Variants in SLC6A17 observed in about 807,000 individuals in gnomAD.
SLC6A17 encodes sodium-dependent neutral amino acid transporter SLC6A17.
Under a neutral mutation model 64.5 loss-of-function variants are expected in SLC6A17, and 21 were observed. That is an observed-to-expected ratio of 0.33 (90% CI 0.23 to 0.47). SLC6A17 has a LOEUF of 0.47. Among genes scored for constraint, SLC6A17 ranks in the 20% least tolerant of loss-of-function variants. The probability of loss-of-function intolerance (pLI) is 1.00; values close to 1 mark genes in which losing one functional copy is unlikely to be tolerated. For missense variants in SLC6A17, 682 were observed against 963.2 expected (o/e 0.71, Z 3.86); for synonymous variants, 372 against 399.5 (o/e 0.93, Z 0.82).
At chr1:110,175,053 GGGTCTTCT>G (rs1224382617) in intron 5 of SLC6A17, 93 bp downstream of exon 5, 35 of 1,449,442 alleles carry the variant, frequency 2.4e-5, no homozygotes, top group Admixed American at 4.6e-5. Context: ...GCCCTTTGCA[GGGTCTTCT>G]GGGTGGATAA....
At position 110,199,947 on chromosome 1, in the gene SLC6A17, G is replaced by GGATA; in HGVS notation, c.*1507_*1510dup. The stretch of plus-strand genomic sequence containing the variant: ...GATGGGTTGGGGGGTGGGGGTGGAT[G>GGATA]GATAGATGGATGGATGGATGGACGG... On this transcript the variant is annotated 3_prime_UTR_variant, in exon 12 of 12. Transcript: ENST00000331565. The GGATA allele has an allele frequency of 2.5e-6, 1 of 394,938 alleles. No individual in the cohort carries two copies. Among genetic ancestry groups the GGATA allele is most frequent in the African/African-American group, 2.1e-5 (1 of 47,710 alleles). 24.5% of individuals were successfully genotyped at this position (394,938 alleles called of 1,614,324 possible).
Position 110,174,068 on chromosome 1 carries a change from A to C in SLC6A17, c.540A>C (p.Glu180Asp), listed in dbSNP as rs1191775920. The change falls in exon 4 of 12, where the codon GAA (glutamate) becomes GAC (aspartate). Residue 180 changes from glutamate (E) to aspartate (D), a missense_variant. Physicochemically the swap from Glu to Asp is conservative, Grantham distance 45. Transcript: ENST00000331565. ...TCCAGTACCCGCTGCCCTGGAGTGA[A>C]TGTCCTGTCGTCAGGAATGGGAGCG... ...KSFQYPLPWS[E>D]CPVVRNGSVA... 1.1e-5 allele frequency: 18 copies of C among 1,614,092 alleles called. 1 individual carries two copies. In the South Asian group the frequency reaches 1.8e-4, roughly 16 times the overall value.
At chr1:110,154,895 G>A (rs1655715246) in intron 1 of SLC6A17, among the ~76,000 whole-genome samples, 1 of 152,122 alleles carries the variant, frequency 6.6e-6, no homozygotes, top group Admixed American at 6.6e-5. Flanking sequence ...CTGCTGGCAG[G>A]GCTGCTTGGG....
chr1:110,181,077 G>A (rs12128502), intron 6 of SLC6A17, among the ~76,000 whole-genome samples: 8,781 of 152,242 alleles, frequency 0.058, 348 homozygotes, highest in Admixed American at 0.12. Context: ...ACAGTAACTC[G>A]TGTTGACGGC....
In SLC6A17 at chr1:110,166,614, G is replaced by A. The variant is rs1157195980; in HGVS notation, c.-87-229G>A. ...TGGCTTTGCCTATTTTGCCCCTTTA[G>A]GTTTACTTTTCAAATAATGCTCGGG... On this transcript the variant is annotated intron_variant, in intron 1 of 11. Transcript: ENST00000331565. Among the ~76,000 whole-genome samples, 2 of 152,188 alleles carry A rather than the reference G, an allele frequency of 1.3e-5. 1 individual carries two copies. The highest frequency in any genetic ancestry group is 4.1e-4 in the South Asian group (2 of 4,830).
At chr1:110,184,306 C>T (rs1244014127) in intron 6 of SLC6A17, among the ~76,000 whole-genome samples, 1 of 152,068 alleles carries the variant, frequency 6.6e-6, no homozygotes, top group Non-Finnish European at 1.5e-5. Flanking sequence ...GGGGTTTCAC[C>T]ATGTTAGCTA....
chr1:110,153,306 G>A (rs973894298), intron 1 of SLC6A17, among the ~76,000 whole-genome samples: 5 of 152,174 alleles, frequency 3.3e-5, no homozygotes, highest in Non-Finnish European at 7.3e-5. Context: ...GTTCAGGAGA[G>A]CTGAGACTGG....
At position 110,173,989 on chromosome 1, in the gene SLC6A17, G is replaced by A; in HGVS notation, c.461G>A (p.Gly154Glu). 4.3e-6 allele frequency: 7 copies of A among 1,613,924 alleles called. No individual in the cohort carries two copies. Among genetic ancestry groups the A allele is most frequent in the Non-Finnish European group, 5.9e-6 (7 of 1,179,944 alleles). Reference protein sequence around the residue: ...FSSCIVCLFVGLYYNVIIGWS... With the variant: ...FSSCIVCLFVELYYNVIIGWS... ...TGTCCCCAGGTCTGTCTCTTTGTGGGGCTGTATTATAATGTGATCATCGGG... is the reference window on the plus strand; with the variant it reads ...TGTCCCCAGGTCTGTCTCTTTGTGGAGCTGTATTATAATGTGATCATCGGG... The change falls in exon 4 of 12, where the codon GGG (glycine) becomes GAG (glutamate). Residue 154 changes from glycine (G) to glutamate (E), a missense_variant. Physicochemically the swap from Gly to Glu is moderately conservative, Grantham distance 98. This residue lies in a region of SLC6A17 where 415 missense variants were observed against 603.8 expected (regional missense o/e 0.69). Coordinates refer to ENST00000331565, the MANE Select transcript of SLC6A17 (RefSeq NM_001010898.4).
At position 110,199,565 on chromosome 1, in the gene SLC6A17, C is replaced by G. The variant is rs143897017; in HGVS notation, c.*1121C>G. On this transcript the variant is annotated 3_prime_UTR_variant, in exon 12 of 12. Coordinates refer to ENST00000331565, the MANE Select transcript of SLC6A17 (RefSeq NM_001010898.4). ...ACTCACTCTCCTTATTACACAAGCA[C>G]AGCCGCCCAGTGTGCACATCATGTG... The G allele has an allele frequency of 5.2e-3, 882 of 168,118 alleles. 8 individuals carry two copies. Among genetic ancestry groups the G allele is most frequent in the African/African-American group, 0.02 (829 of 42,218 alleles). The allele number at this position is 168,118 out of a possible 1,614,324, so 10.4% of individuals were successfully genotyped here.
chr1:110,168,618 T>C (rs990654965), intron 2 of SLC6A17, among the ~76,000 whole-genome samples: 10 of 152,210 alleles, frequency 6.6e-5, no homozygotes, highest in African/African-American at 2.4e-4. Flanking sequence ...GATATACAAG[T>C]ATATGGTTTC....
chr1:110,166,888 C>G lies in SLC6A17; in HGVS notation c.-42C>G, dbSNP rs932097264. On this transcript the variant is annotated 5_prime_UTR_variant, in exon 2 of 12. Coordinates refer to ENST00000331565, the MANE Select transcript of SLC6A17 (RefSeq NM_001010898.4). ...TGACAGCAGCTGAATTCCATCTTCT[C>G]TGTGTGCTGGGGAGCAGGGCTACAC... 1.9e-6 allele frequency: 3 copies of G among 1,555,396 alleles called. No individual in the cohort carries two copies. Among genetic ancestry groups the G allele is most frequent in the Non-Finnish European group, 2.6e-6 (3 of 1,147,244 alleles).
intron 1 of SLC6A17, among the ~76,000 whole-genome samples, chr1:110,157,281 ACAGT>A (rs1268400089): frequency 2.6e-5 from 4 of 152,114 alleles, no homozygotes; most frequent in African/African-American, 9.7e-5. Context: ...CCCTATAAAA[ACAGT>A]CAGGTCAGGC....
chr1:110,185,695 G>A (rs1156234348), intron 6 of SLC6A17, among the ~76,000 whole-genome samples: 3 of 152,242 alleles, frequency 2.0e-5, no homozygotes, highest in East Asian at 3.8e-4. Context: ...CCTGGAAGGG[G>A]CGTGGGGTTT....
intron 1 of SLC6A17, among the ~76,000 whole-genome samples, chr1:110,157,824 C>G (rs1655798223): frequency 6.6e-6 from 1 of 152,158 alleles, no homozygotes. Context: ...ACCAGGCATG[C>G]AGGTCCTGCC....
intron 6 of SLC6A17, 106 bp downstream of exon 6, chr1:110,176,845 T>C (rs1656389994): frequency 2.0e-6 from 2 of 981,310 alleles, no homozygotes; most frequent in Non-Finnish European, 1.6e-6. Context: ...ACACCTGCTA[T>C]GTGTTGGGTA....
chr1:110,182,593 C>T (rs1315006845), intron 6 of SLC6A17, among the ~76,000 whole-genome samples: 3 of 149,378 alleles, frequency 2.0e-5, no homozygotes, highest in Non-Finnish European at 3.0e-5. Context: ...TGTGGGTGGG[C>T]GGTGGCGGGG....
In SLC6A17 at chr1:110,174,011, CG is replaced by C; in HGVS notation, c.486del (p.Trp163GlyfsTer65). 6.2e-7 allele frequency: 1 copy of C among 1,614,156 alleles called. No individual in the cohort carries two copies. Among genetic ancestry groups the C allele is most frequent in the Non-Finnish European group, 8.5e-7 (1 of 1,180,020 alleles). ...TGGGGCTGTATTATAATGTGATCAT[CG>C]GGTGGAGCATCTTCTATTTCTTCAA... ...FVGLYYNVIIGWSIFYFFKSF... is the reference protein window; with the variant it reads ...FVGLYYNVIIXWSIFYFFKSF... On this transcript the variant is annotated frameshift_variant, in exon 4 of 12. Coordinates refer to ENST00000331565, the MANE Select transcript of SLC6A17 (RefSeq NM_001010898.4). LOFTEE classifies it high-confidence loss of function.
rs549126271 is a variant in SLC6A17 at position 110,185,016 on chromosome 1, G to A, written c.865-6956G>A. ...TGAAGGCCCAGGGGTGGAGGTTAGGGGTGGAGCTTCTTGACTCCCACAGTT... is the reference window on the plus strand; with the variant it reads ...TGAAGGCCCAGGGGTGGAGGTTAGGAGTGGAGCTTCTTGACTCCCACAGTT... On this transcript the variant is annotated intron_variant, in intron 6 of 11. Transcript: ENST00000331565. 1.4e-4 allele frequency among the ~76,000 whole-genome samples: 21 copies of A among 152,252 alleles called. No homozygotes were observed. In the East Asian group the frequency reaches 4.1e-3, roughly 29 times the overall value.
chr1:110,199,928 T>C lies in SLC6A17; in HGVS notation c.*1484T>C, dbSNP rs1436835196. The C allele has an allele frequency of 8.3e-6, 1 of 120,470 alleles. No individual in the cohort carries two copies. The highest frequency in any genetic ancestry group is 1.5e-5 in the Non-Finnish European group (1 of 65,088). 7.5% of individuals were successfully genotyped at this position (120,470 alleles called of 1,614,324 possible). The stretch of plus-strand genomic sequence containing the variant: ...ATGGATGGATGGATGGATGGATGGG[T>C]TGGGGGGTGGGGGTGGATGGATAGA... On this transcript the variant is annotated 3_prime_UTR_variant, in exon 12 of 12. Transcript: ENST00000331565.
Sources: gnomAD v4.1 joint callset for allele counts (sites outside exome capture counted in the v4.1 genomes callset) on GRCh38, gnomAD v4.1.1 for gene constraint, gnomAD v4.1.1 regional missense constraint, MANE v1.5 for transcripts, NCBI Gene and HGNC (gene_info 2026-07-23, HGNC 2026-07-21) for gene names.